Variants in NOTCH1 observed in about 807,000 individuals in gnomAD.
NOTCH1 encodes notch receptor 1, also known as neurogenic locus notch homolog protein 1.
In NOTCH1, 37 loss-of-function variants were observed where a neutral mutation model predicts 254.8. The ratio of observed to expected loss-of-function variants is 0.15; its 90% CI spans 0.11 to 0.19. The LOEUF (loss-of-function observed/expected upper bound fraction) is 0.19, where lower values mean the gene tolerates loss of function less well. Among genes scored for constraint, NOTCH1 ranks in the 10% least tolerant of loss-of-function variants. The pLI is 1.00. For missense variants in NOTCH1, 2,972 were observed against 3,708.6 expected, an observed-to-expected ratio of 0.80 and a Z score of 5.16; for synonymous variants, 1,731 against 1,618.1, an observed-to-expected ratio of 1.07 and a Z score of -1.68.
intron 17 of NOTCH1, 178 bp downstream of exon 17, chr9:136,510,475 G>C (rs1843161276): frequency 1.3e-6 from 1 of 769,850 alleles, no homozygotes. Context: ...CGGCTCTGGG[G>C]CCCTCCTGAA....
intron 25 of NOTCH1, 83 bp from the exon 26 acceptor site, chr9:136,505,187 C>A (rs1843061206): frequency 2.0e-6 from 3 of 1,531,514 alleles, no homozygotes; most frequent in Non-Finnish European, 2.6e-6. Context: ...CACTGGCCAG[C>A]CGCGGGGGAC....
At chr9:136,520,460 G>A (rs1007706973) in intron 4 of NOTCH1, among the ~76,000 whole-genome samples, 4 of 152,288 alleles carry the variant, frequency 2.6e-5, no homozygotes, top group African/African-American at 7.2e-5. Flanking sequence ...CAGCCCTGGC[G>A]CGGTGGCTCA....
At chr9:136,509,524 C>T (rs778395613) in intron 18 of NOTCH1, among the ~76,000 whole-genome samples, 2 of 152,330 alleles carry the variant, frequency 1.3e-5, no homozygotes, top group Admixed American at 6.5e-5. Context: ...AGACTACCGG[C>T]GCTCCTGGTG....
intron 2 of NOTCH1, among the ~76,000 whole-genome samples, chr9:136,535,992 G>GA (rs1246855502): frequency 2.1e-4 from 28 of 136,242 alleles, no homozygotes; most frequent in East Asian, 4.3e-4. Flanking sequence ...ATGGTGGGTG[G>GA]GGGGGAGCAC....
At chr9:136,538,769 TG>T (rs1843690773) in intron 2 of NOTCH1, among the ~76,000 whole-genome samples, 1 of 152,126 alleles carries the variant, frequency 6.6e-6, no homozygotes, top group Non-Finnish European at 1.5e-5. Context: ...ACCTGGAGGG[TG>T]GGCGGCCGTC....
chr9:136,514,831 C>G, intron 12 of NOTCH1, 129 bp from the exon 13 acceptor site: 2 of 995,440 alleles, frequency 2.0e-6, no homozygotes, highest in South Asian at 2.8e-5. Flanking sequence ...GTGTCAGAAA[C>G]CATCTTGGAT....
chr9:136,494,929 C>G lies in NOTCH1; in HGVS notation c.*1142G>C. The G allele has an allele frequency of 2.5e-6, 1 of 398,760 alleles. No individual in the cohort carries two copies. Among genetic ancestry groups the G allele is most frequent in the Non-Finnish European group, 4.4e-6 (1 of 225,998 alleles). The allele number at this position is 398,760 out of a possible 1,614,324, so 24.7% of individuals were successfully genotyped here. On this transcript the variant is annotated 3_prime_UTR_variant, in exon 34 of 34. Coordinates refer to ENST00000651671, the MANE Select transcript of NOTCH1 (RefSeq NM_017617.5). ...CCGCCTCCCTCCAGCCCCTGCCCGA[C>G]CGCATGCCCCCTGCCAGGGCTGCGG...
At position 136,505,801 on chromosome 9, in the gene NOTCH1, G is replaced by A. The variant is rs202023240; in HGVS notation, c.4095C>T (p.Ser1365=). The change falls in exon 25 of 34, where the codon TCC becomes TCT. Residue 1365 remains serine, a synonymous_variant. Coordinates refer to ENST00000651671, the MANE Select transcript of NOTCH1 (RefSeq NM_017617.5). ...LRCLNGGTCI[S]GPRSPTCLCL... The stretch of plus-strand genomic sequence containing the variant: ...ACAGGCAGGTGGGGCTGCGCGGGCC[G>A]GAGATGCATGTGCCGCCGTTGAGGC... 2.1e-4 allele frequency: 341 copies of A among 1,586,688 alleles called. No homozygotes were observed. Among genetic ancestry groups the A allele is most frequent in the South Asian group, 5.5e-4 (49 of 89,520 alleles).
chr9:136,528,191 C>G (rs906216500), intron 2 of NOTCH1, among the ~76,000 whole-genome samples: 4 of 147,812 alleles, frequency 2.7e-5, no homozygotes, highest in African/African-American at 1.0e-4. Flanking sequence ...TATGGTCATG[C>G]AGGGCCAGGG....
At chr9:136,533,980 C>A (rs1257329359) in intron 2 of NOTCH1, among the ~76,000 whole-genome samples, 2 of 152,354 alleles carry the variant, frequency 1.3e-5, no homozygotes, top group East Asian at 3.9e-4. Flanking sequence ...ATGAGTCACG[C>A]TGGGTAACCC....
chr9:136,509,656 G>A (rs1843146173), intron 18 of NOTCH1, 77 bp downstream of exon 18: 1 of 1,353,776 alleles, frequency 7.4e-7, no homozygotes, highest in East Asian at 2.3e-5. Flanking sequence ...CGCCTGCATG[G>A]TGTGCCAGGC....
chr9:136,511,931 G>A (rs1338655599), intron 15 of NOTCH1, among the ~76,000 whole-genome samples: 5 of 152,240 alleles, frequency 3.3e-5, no homozygotes, highest in African/African-American at 7.2e-5. Flanking sequence ...GCCCATGGCC[G>A]AGCTTCCTGT....
At position 136,515,664 on chromosome 9, in the gene NOTCH1, G is replaced by A. The variant is rs2133364163; in HGVS notation, c.1722C>T (p.Pro574=). ...CGTCCTTGCAGGAGCCGTAGTGGCA[G>A]GGGTCGGGGTCGCACTCATCGATGT... ...EVDIDECDPD[P]CHYGSCKDGV... is the part of the protein sequence containing the mutation. Residue 574 remains proline, a synonymous_variant, in exon 11 of 34, where the codon CCC becomes CCT. Transcript: ENST00000651671. 3.2e-6 allele frequency: 5 copies of A among 1,572,130 alleles called. No homozygotes were observed. Among genetic ancestry groups the A allele is most frequent in the South Asian group, 1.1e-5 (1 of 87,370 alleles).
intron 2 of NOTCH1, chr9:136,543,795 A>G: frequency 1.6e-6 from 1 of 624,000 alleles, no homozygotes; most frequent in South Asian, 1.8e-5. Flanking sequence ...GAGGTGGCCC[A>G]CGGAGGAGTG....
intron 17 of NOTCH1, 188 bp downstream of exon 17, chr9:136,510,465 C>G (rs149216059): frequency 1.4e-6 from 1 of 706,858 alleles, no homozygotes; most frequent in Non-Finnish European, 2.4e-6. Context: ...AGGAGCAAGC[C>G]GGCTCTGGGG....
Position 136,523,810 on chromosome 9 carries a change from T to C in NOTCH1, c.310A>G (p.Asn104Asp). 1 of 1,611,698 alleles carries C rather than the reference T, an allele frequency of 6.2e-7. No homozygotes were observed. Among genetic ancestry groups the C allele is most frequent in the Non-Finnish European group, 8.5e-7 (1 of 1,179,596 alleles). Residue 104 changes from asparagine (N) to aspartate (D), a missense_variant, in exon 3 of 34, where the codon AAT becomes GAT. This residue lies in a region of NOTCH1 where 374 missense variants were observed against 496.3 expected (regional missense o/e 0.75). Coordinates refer to ENST00000651671, the MANE Select transcript of NOTCH1 (RefSeq NM_017617.5). ...CGGCAGGGGTTGGTGAGGCAGGCAT[T>C]GTCCAGGGGTGTCAGGCAGAGGGGC... is the stretch of plus-strand genomic sequence containing the variant. ...SGPLCLTPLD[N>D]ACLTNPCRNG...
In NOTCH1 at chr9:136,523,097, G is replaced by C. The variant is rs1312213252; in HGVS notation, c.495C>G (p.His165Gln). The change falls in exon 4 of 34, where the codon CAC becomes CAG. Residue 165 changes from histidine to glutamine, a missense_variant. His to Gln is a conservative substitution (Grantham distance 24). Coordinates refer to ENST00000651671, the MANE Select transcript of NOTCH1 (RefSeq NM_017617.5). ...CLPFEASYICHCPPSFHGPTC... is the reference protein window; with the variant it reads ...CLPFEASYICQCPPSFHGPTC... ...TGGGGCCATGGAAGCTGGGTGGGCA[G>C]TGGCAGATGTAGGAGGCCTCGAAGG... The C allele has an allele frequency of 6.3e-7, 1 of 1,599,806 alleles. No individual in the cohort carries two copies. Among genetic ancestry groups the C allele is most frequent in the South Asian group, 1.1e-5 (1 of 88,780 alleles).
At chr9:136,507,233 C>T in intron 22 of NOTCH1, 72 bp downstream of exon 22, 12 of 1,609,170 alleles carry the variant, frequency 7.5e-6, no homozygotes, top group Non-Finnish European at 1.0e-5. Context: ...TCTGGCCGGT[C>T]CCGGGGTGCC....
chr9:136,519,418 G>C (rs547933231), intron 5 of NOTCH1, 25 bp downstream of exon 5: 6 of 1,612,026 alleles, frequency 3.7e-6, no homozygotes, highest in African/African-American at 2.7e-5. Flanking sequence ...CGGCTACCCC[G>C]CCCTGCGGCG....
Sources: allele counts gnomAD v4.1 joint callset (sites outside exome capture counted in the v4.1 genomes callset), GRCh38; gene constraint gnomAD v4.1.1; regional missense constraint gnomAD v4.1.1; transcripts MANE v1.5; gene names NCBI Gene and HGNC (gene_info 2026-07-23, HGNC 2026-07-21).